Variants in ZNF365 observed in about 807,000 individuals in gnomAD.
ZNF365 encodes zinc finger protein 365, also known as protein ZNF365.
Under a neutral mutation model 35.0 loss-of-function variants are expected in ZNF365, and 22 were observed. The ratio of observed to expected loss-of-function variants is 0.63; its 90% CI spans 0.45 to 0.90. The LOEUF is 0.90. ZNF365 is among the 40% of genes least tolerant of loss of function. ZNF365 has a pLI of 0.00. For synonymous variants in ZNF365, 188 were observed against 196.2 expected (o/e 0.96, Z 0.35); for missense variants, 448 against 500.3 (o/e 0.90, Z 1.00).
downstream of ZNF365, among the ~76,000 whole-genome samples, chr10:62,403,017 G>T (rs1175863352): frequency 1.3e-5 from 2 of 152,118 alleles, no homozygotes; most frequent in Admixed American, 1.3e-4. Context: ...ACAGTGCAAG[G>T]GTTAGGGACA....
intron 3 of ZNF365, among the ~76,000 whole-genome samples, chr10:62,427,059 G>A (rs1003706540): frequency 2.0e-5 from 3 of 152,108 alleles, no homozygotes; most frequent in East Asian, 1.9e-4. Flanking sequence ...AATTCCTATC[G>A]CTTAGTGAAG....
At chr10:62,450,658 A>C (rs1950378512) in intron 3 of ZNF365, among the ~76,000 whole-genome samples, 1 of 152,234 alleles carries the variant, frequency 6.6e-6, no homozygotes, top group Admixed American at 6.5e-5. Context: ...GAAACAGAAC[A>C]ACCAAGACAG....
intron 3 of ZNF365, among the ~76,000 whole-genome samples, chr10:62,435,833 T>A (rs983432948): frequency 2.0e-5 from 3 of 152,194 alleles, no homozygotes; most frequent in Non-Finnish European, 2.9e-5. Flanking sequence ...GCAAAGTGGA[T>A]AAACAGCCTA....
At chr10:62,429,191 G>T (rs1463252656) in intron 3 of ZNF365, among the ~76,000 whole-genome samples, 1 of 152,172 alleles carries the variant, frequency 6.6e-6, no homozygotes, top group Non-Finnish European at 1.5e-5. Flanking sequence ...AAAGAAGTGG[G>T]AATGGTTGTC....
chr10:62,450,208 G>A (rs1231567100), intron 3 of ZNF365, among the ~76,000 whole-genome samples: 2 of 152,152 alleles, frequency 1.3e-5, no homozygotes, highest in Non-Finnish European at 2.9e-5. Context: ...TTGGTATTAC[G>A]TATAAGCAGG....
At chr10:62,394,278 G>T (rs569401626) in intron 3 of ZNF365, among the ~76,000 whole-genome samples, 20 of 152,280 alleles carry the variant, frequency 1.3e-4, no homozygotes, top group Non-Finnish European at 2.5e-4. Context: ...GATTTTGGGT[G>T]TTTGGGTTAG....
rs979545332 is a variant in ZNF365, at chr10:62,463,080, TA to T, written c.981+3289del. ...TATCCTTGCCAATACTTTTGAGGGTTAAAAAACAAACATCAAAGTGCACACA... is the reference window on the plus strand; with the variant it reads ...TATCCTTGCCAATACTTTTGAGGGTTAAAAACAAACATCAAAGTGCACACA... On this transcript the variant is annotated intron_variant, in intron 4 of 4. Coordinates refer to the ZNF365 transcript ENST00000395255. Among the ~76,000 whole-genome samples, 3 of 152,266 alleles carry T rather than the reference TA, an allele frequency of 2.0e-5. No homozygotes were observed. In the South Asian group the frequency reaches 6.2e-4, roughly 32 times the overall value.
intron 3 of ZNF365, among the ~76,000 whole-genome samples, chr10:62,448,978 GA>G (rs1840635472): frequency 6.6e-6 from 1 of 152,170 alleles, no homozygotes; most frequent in South Asian, 2.1e-4. Context: ...AATAATTACA[GA>G]AACAGAGGCA....
chr10:62,426,822 G>T (rs1043241122), intron 3 of ZNF365, among the ~76,000 whole-genome samples: 3 of 152,172 alleles, frequency 2.0e-5, no homozygotes, highest in Non-Finnish European at 4.4e-5. Flanking sequence ...GTACTGGCCA[G>T]ATAGAAGTGT....
chr10:62,403,017 G>A (rs1175863352), downstream of ZNF365, among the ~76,000 whole-genome samples: 1 of 152,118 alleles, frequency 6.6e-6, no homozygotes, highest in Non-Finnish European at 1.5e-5. Context: ...ACAGTGCAAG[G>A]GTTAGGGACA....
chr10:62,426,524 A>G (rs567399475), intron 3 of ZNF365, among the ~76,000 whole-genome samples: 1 of 152,204 alleles, frequency 6.6e-6, no homozygotes, highest in African/African-American at 2.4e-5. Context: ...CTCTGGAAAC[A>G]AAGTTTATTA....
chr10:62,449,888 C>G (rs912100093), intron 3 of ZNF365, among the ~76,000 whole-genome samples: 7 of 151,082 alleles, frequency 4.6e-5, no homozygotes, highest in African/African-American at 1.7e-4. Context: ...ACCAGATCTA[C>G]TCATTGCCAA....
intron 3 of ZNF365, among the ~76,000 whole-genome samples, chr10:62,455,816 A>G (rs1367366377): frequency 1.3e-5 from 2 of 152,216 alleles, no homozygotes; most frequent in Non-Finnish European, 2.9e-5. Context: ...TGATAAGTGA[A>G]TTGAAGTACA....
chr10:62,445,723 G>A (rs1449929373), intron 3 of ZNF365, among the ~76,000 whole-genome samples: 1 of 152,182 alleles, frequency 6.6e-6, no homozygotes, highest in Non-Finnish European at 1.5e-5. Flanking sequence ...GTGTATGTTT[G>A]AAAGTTTTCG....
rs910879666 is a variant in ZNF365 at position 62,402,306 on chromosome 10, C to G, written c.*2517C>G. On this transcript the variant is annotated 3_prime_UTR_variant, in exon 5 of 5. Coordinates refer to ENST00000395254, the MANE Select transcript of ZNF365 (RefSeq NM_014951.3). ...CCCAAACTAGGTTACAGGTTCTTAT[C>G]TGCAAGGTTCAAGTTGCTTAGACAT... 1 of 985,660 alleles carries G rather than the reference C, an allele frequency of 1.0e-6. No individual in the cohort carries two copies. The highest frequency in any genetic ancestry group is 5.2e-4 in the Middle Eastern group (1 of 1,914). 61.1% of individuals were successfully genotyped at this position (985,660 alleles called of 1,614,324 possible).
intron 4 of ZNF365, among the ~76,000 whole-genome samples, chr10:62,471,302 C>A (rs2132490488): frequency 6.8e-6 from 1 of 148,096 alleles, no homozygotes; most frequent in Non-Finnish European, 1.5e-5. Context: ...GGAGGCGGAG[C>A]TTGCAGTGAG....
chr10:62,399,469 T>C, intron 4 of ZNF365, 59 bp from the exon 5 acceptor site: 1 of 1,585,360 alleles, frequency 6.3e-7, no homozygotes, highest in Non-Finnish European at 8.6e-7. Context: ...TTTTAAGGTT[T>C]TAAAGAAATC....
intron 3 of ZNF365, among the ~76,000 whole-genome samples, chr10:62,416,625 A>G (rs866147985): frequency 1.3e-5 from 2 of 152,102 alleles, no homozygotes; most frequent in Admixed American, 1.3e-4. Context: ...AGTTGAGCAG[A>G]CACATAATTG....
intron 3 of ZNF365, among the ~76,000 whole-genome samples, chr10:62,447,809 G>T (rs1840615065): frequency 6.6e-6 from 1 of 152,166 alleles, no homozygotes; most frequent in Non-Finnish European, 1.5e-5. Flanking sequence ...TCAGGTCGTG[G>T]TGGATGGTTT....
Sources: gnomAD v4.1 joint callset for allele counts (sites outside exome capture counted in the v4.1 genomes callset) on GRCh38, gnomAD v4.1.1 for gene constraint, MANE v1.5 for transcripts, NCBI Gene and HGNC (gene_info 2026-07-23, HGNC 2026-07-21) for gene names.